Variants in NBAS observed in about 807,000 individuals in gnomAD.
NBAS encodes the protein NBAS subunit of NRZ tethering complex, also known as NAG/BC035112 fusion.
NBAS carries 219 observed loss-of-function variants against 302.5 expected under a neutral mutation model. The ratio of observed to expected loss-of-function variants is 0.72; its 90% CI spans 0.65 to 0.81. The LOEUF (loss-of-function observed/expected upper bound fraction) is 0.81, where lower values mean the gene tolerates loss of function less well. Among genes scored for constraint, NBAS ranks in the 30% least tolerant of loss-of-function variants. The pLI is 0.00. For missense variants in NBAS, 2,932 were observed against 2,841.6 expected (o/e 1.03, Z -0.72); for synonymous variants, 1,118 against 1,021.6 (o/e 1.09, Z -1.80).
chr2:15,097,496 A>C, the NBAS span, among the ~76,000 whole-genome samples: 11 of 152,126 alleles, frequency 7.2e-5, no homozygotes, highest in Non-Finnish European at 1.3e-4. Context: ...GAGGCTGATA[A>C]ACCACAGAAA....
rs1373850413 is a variant in NBAS at position 15,467,335 on chromosome 2, T to A, written c.2091A>T (p.Thr697=). ...KLLTYLDRLA[T]YEEILGVPHA... ...GACAAAAATTATTCATTACCTCATA[T>A]GTTGCAAGTCGATCTAAGTAGGTTA... Residue 697 remains threonine, a synonymous_variant, in exon 19 of 52, where the codon ACA becomes ACT. Coordinates refer to ENST00000281513, the MANE Select transcript of NBAS (RefSeq NM_015909.4). The A allele has an allele frequency of 3.7e-6, 6 of 1,610,148 alleles. No homozygotes were observed. In the East Asian group the frequency reaches 1.1e-4, roughly 30 times the overall value.
At chr2:14,824,560 G>T in the NBAS span, among the ~76,000 whole-genome samples, 1 of 152,046 alleles carries the variant, frequency 6.6e-6, no homozygotes, top group African/African-American at 2.4e-5. Flanking sequence ...AGCAACAAGG[G>T]CATCAGCAGC....
intron 6 of NBAS, among the ~76,000 whole-genome samples, chr2:15,546,868 CAGG>C (rs1178345600): frequency 2.6e-5 from 4 of 152,170 alleles, no homozygotes; most frequent in African/African-American, 9.7e-5. Flanking sequence ...CAGAGGCAAC[CAGG>C]AGAAGTTCAA....
chr2:15,041,570 A>G, the NBAS span, among the ~76,000 whole-genome samples: 1 of 152,364 alleles, frequency 6.6e-6, no homozygotes, highest in Non-Finnish European at 1.5e-5. Context: ...GGCCGGCAGG[A>G]AAAGTCAGCC....
chr2:15,245,608 A>AGGATGGAT (rs57408257), intron 44 of NBAS, among the ~76,000 whole-genome samples: 46,526 of 147,922 alleles, frequency 0.31, 7,547 homozygotes, highest in East Asian at 0.5. Flanking sequence ...GTTGAATGGA[A>AGGATGGAT]GGATGGATGG....
At chr2:14,986,694 A>G in the NBAS span, among the ~76,000 whole-genome samples, 17 of 152,152 alleles carry the variant, frequency 1.1e-4, no homozygotes, top group African/African-American at 3.9e-4. Flanking sequence ...GAACTTTCCA[A>G]TGAGACAACT....
At chr2:14,819,920 C>T in the NBAS span, among the ~76,000 whole-genome samples, 1 of 152,232 alleles carries the variant, frequency 6.6e-6, no homozygotes, top group African/African-American at 2.4e-5. Context: ...AGGTCCTCAA[C>T]ATCATTGATC....
chr2:15,141,350 G>A, the NBAS span, among the ~76,000 whole-genome samples: 13 of 152,128 alleles, frequency 8.5e-5, no homozygotes, highest in South Asian at 4.1e-4. Flanking sequence ...ATTTAGTACC[G>A]GGGACTGCCC....
At chr2:14,789,226 GC>G in the NBAS span, among the ~76,000 whole-genome samples, 1 of 152,160 alleles carries the variant, frequency 6.6e-6, no homozygotes, top group Non-Finnish European at 1.5e-5. Flanking sequence ...TTTTCCAGGT[GC>G]CGTCTGTCAC....
At chr2:15,065,261 G>A in the NBAS span, among the ~76,000 whole-genome samples, 77,139 of 151,904 alleles carry the variant, frequency 0.51, 21,825 homozygotes, top group Non-Finnish European at 0.62. Context: ...ACCAAAAATA[G>A]AAGTCACATA....
chr2:15,226,975 TC>T (rs1558454505), intron 47 of NBAS, among the ~76,000 whole-genome samples: 1 of 152,196 alleles, frequency 6.6e-6, no homozygotes, highest in African/African-American at 2.4e-5. Context: ...AAAATGGGCA[TC>T]CTTGTCTTGT....
the NBAS span, among the ~76,000 whole-genome samples, chr2:15,017,255 A>G: frequency 6.6e-6 from 1 of 152,230 alleles, no homozygotes; most frequent in African/African-American, 2.4e-5. Context: ...ATGGATCTGG[A>G]AAAAATGATT....
At chr2:15,044,281 CT>C in the NBAS span, among the ~76,000 whole-genome samples, 4 of 152,190 alleles carry the variant, frequency 2.6e-5, no homozygotes, top group Non-Finnish European at 5.9e-5. Flanking sequence ...AGGGAAAGGT[CT>C]TTGCATGGCT....
At chr2:15,125,645 C>T in the NBAS span, among the ~76,000 whole-genome samples, 8 of 152,262 alleles carry the variant, frequency 5.3e-5, no homozygotes, top group South Asian at 1.7e-3. Context: ...TATTTTGGAG[C>T]TTTAAGATTT....
At chr2:15,294,547 C>A (rs1670459821) in intron 40 of NBAS, among the ~76,000 whole-genome samples, 2 of 152,176 alleles carry the variant, frequency 1.3e-5, no homozygotes, top group Admixed American at 6.5e-5. Context: ...AGGGCACCAT[C>A]CTGAACCTCC....
the NBAS span, among the ~76,000 whole-genome samples, chr2:15,133,910 G>T: frequency 6.6e-6 from 1 of 152,220 alleles, no homozygotes; most frequent in South Asian, 2.1e-4. Flanking sequence ...GAAGGGATCA[G>T]CCTTTAGACT....
the NBAS span, among the ~76,000 whole-genome samples, chr2:14,827,595 A>G: frequency 6.6e-6 from 1 of 152,246 alleles, no homozygotes; most frequent in South Asian, 2.1e-4. Context: ...CAGTATATGC[A>G]TTTAATGAAA....
intron 6 of NBAS, among the ~76,000 whole-genome samples, chr2:15,539,815 A>G (rs1663711360): frequency 6.6e-6 from 1 of 152,064 alleles, no homozygotes; most frequent in Non-Finnish European, 1.5e-5. Context: ...AATTGGGACT[A>G]TGCTAACATT....
At chr2:15,156,618 G>A in the NBAS span, among the ~76,000 whole-genome samples, 1 of 152,104 alleles carries the variant, frequency 6.6e-6, no homozygotes, top group African/African-American at 2.4e-5. Context: ...ATTCGTGACG[G>A]CTCCATTCAC....
Sources: gnomAD v4.1 joint callset for allele counts (sites outside exome capture counted in the v4.1 genomes callset) on GRCh38, gnomAD v4.1.1 for gene constraint, MANE v1.5 for transcripts, NCBI Gene and HGNC (gene_info 2026-07-23, HGNC 2026-07-21) for gene names.